Variants in PCDH11Y observed in about 807,000 individuals in gnomAD.
PCDH11Y encodes protocadherin 11 Y-linked.
For synonymous variants in PCDH11Y, 9 were observed against 83.6 expected (o/e 0.11, Z 4.87); for missense variants, 12 against 224.8 (o/e 0.05, Z 6.05).
At chrY:5,446,469 A>G in intron 2 of PCDH11Y, among the ~76,000 whole-genome samples, 1 of 34,100 alleles carries the variant, frequency 2.9e-5, no homozygotes, top group Middle Eastern at 0.014. Context: ...CTACATTTGT[A>G]ACAATATTCA....
At chrY:5,307,812 T>A (rs2053092204) in intron 2 of PCDH11Y, among the ~76,000 whole-genome samples, 1 of 33,606 alleles carries the variant, frequency 3.0e-5, no homozygotes, top group South Asian at 6.6e-4. Flanking sequence ...CACACAATAC[T>A]TTAGCTTACT....
intron 2 of PCDH11Y, among the ~76,000 whole-genome samples, chrY:5,373,235 G>A (rs2053192684): frequency 6.8e-5 from 1 of 14,769 alleles, no homozygotes; most frequent in Non-Finnish European, 1.4e-4. Context: ...TGCTCAGGCT[G>A]GAGTGCAGTG....
intron 2 of PCDH11Y, among the ~76,000 whole-genome samples, chrY:5,190,784 T>C (rs2563094): frequency 3.1e-5 from 1 of 32,120 alleles, no homozygotes; most frequent in Non-Finnish European, 7.5e-5. Flanking sequence ...ATCTGGATGC[T>C]CTGATCTGGT....
intron 2 of PCDH11Y, chrY:5,207,659 A>G: frequency 3.5e-6 from 1 of 286,022 alleles, no homozygotes; most frequent in South Asian, 3.3e-5. Context: ...GCCCGGATGG[A>G]AGGCCCAGCA....
intron 2 of PCDH11Y, among the ~76,000 whole-genome samples, chrY:5,420,800 A>G (rs2053256889): frequency 3.2e-5 from 1 of 31,266 alleles, no homozygotes. Flanking sequence ...TATTTAATTA[A>G]TATCATAAAT....
intron 4 of PCDH11Y, among the ~76,000 whole-genome samples, chrY:5,725,164 G>T: frequency 3.4e-5 from 1 of 29,075 alleles, no homozygotes; most frequent in Non-Finnish European, 8.1e-5. Flanking sequence ...CTGCTTGGGA[G>T]GCTGAGGCAG....
intron 2 of PCDH11Y, among the ~76,000 whole-genome samples, chrY:5,129,260 A>C: frequency 8.9e-5 from 3 of 33,567 alleles, no homozygotes; most frequent in African/African-American, 2.4e-4. Flanking sequence ...TTATAATTCT[A>C]AAACATAAGC....
intron 2 of PCDH11Y, among the ~76,000 whole-genome samples, chrY:5,407,895 C>T (rs2053241899): frequency 6.5e-5 from 1 of 15,440 alleles, no homozygotes; most frequent in Non-Finnish European, 1.2e-4. Context: ...GCCTGGGCGA[C>T]AGAGCGAGAC....
chrY:5,267,458 A>T (rs1180660145), intron 2 of PCDH11Y, among the ~76,000 whole-genome samples: 8 of 31,036 alleles, frequency 2.6e-4, no homozygotes, highest in Non-Finnish European at 4.6e-4. Flanking sequence ...CACCCGCCTC[A>T]GCCTCCCAAA....
At position 5,183,471 on chromosome Y, in the gene PCDH11Y, C is replaced by T. The variant is rs1602882155; in HGVS notation, c.3129+82764C>T. On this transcript the variant is annotated intron_variant, in intron 2 of 4. Transcript: ENST00000400457. Reference sequence around the variant, plus strand: ...TGTTTTTTGCGACATTTTTAAAATACACCTTTGTAAACTGTTACTTGTTCT... The same window carrying T: ...TGTTTTTTGCGACATTTTTAAAATATACCTTTGTAAACTGTTACTTGTTCT... Among the ~76,000 whole-genome samples, 15 of 31,915 alleles carry T rather than the reference C, an allele frequency of 4.7e-4. No homozygotes were observed. In the East Asian group the frequency reaches 6.7e-3, roughly 14 times the overall value. The allele number at this position is 31,915 out of a possible 37,273, so 85.6% of individuals were successfully genotyped here. A position where few individuals can be genotyped will look rare whatever the true frequency, so the allele number is the denominator to read the frequency against.
intron 2 of PCDH11Y, among the ~76,000 whole-genome samples, chrY:5,328,795 G>A: frequency 3.2e-5 from 1 of 31,503 alleles, no homozygotes; most frequent in Non-Finnish European, 7.7e-5. Flanking sequence ...TGGAGGCTGC[G>A]GAAGAATTGG....
chrY:5,489,915 T>A, intron 2 of PCDH11Y, among the ~76,000 whole-genome samples: 2 of 32,204 alleles, frequency 6.2e-5, no homozygotes, highest in Non-Finnish European at 1.5e-4. Flanking sequence ...GAATAAAAAT[T>A]GTGAAATAAT....
intron 1 of PCDH11Y, among the ~76,000 whole-genome samples, chrY:5,012,124 C>G (rs2124618308): frequency 6.5e-5 from 2 of 30,588 alleles, no homozygotes; most frequent in African/African-American, 2.6e-4. Context: ...GCCAAAATTG[C>G]CTTGGATTTC....
downstream of PCDH11Y, among the ~76,000 whole-genome samples, chrY:5,107,873 C>A: frequency 3.1e-5 from 1 of 32,207 alleles, no homozygotes; most frequent in Non-Finnish European, 7.6e-5. Flanking sequence ...TCCTGGCTAA[C>A]ACAGTGAAAC....
intron 2 of PCDH11Y, among the ~76,000 whole-genome samples, chrY:5,270,492 G>A: frequency 4.2e-5 from 1 of 23,617 alleles, no homozygotes. Context: ...GAGCAACAGA[G>A]CGAGACTCCA....
chrY:5,699,961 T>A (rs2124711772), intron 4 of PCDH11Y, among the ~76,000 whole-genome samples: 1 of 32,905 alleles, frequency 3.0e-5, no homozygotes, highest in East Asian at 8.3e-4. Flanking sequence ...GTGTGGCTCC[T>A]GGGTGGGCCA....
chrY:5,400,778 TAAAC>T (rs2053233258), intron 2 of PCDH11Y, among the ~76,000 whole-genome samples: 1 of 24,071 alleles, frequency 4.2e-5, no homozygotes, highest in African/African-American at 1.6e-4. Flanking sequence ...TAAAATAAGA[TAAAC>T]AAAAGGAAAA....
chrY:5,580,783 T>C, intron 3 of PCDH11Y, among the ~76,000 whole-genome samples: 1 of 32,736 alleles, frequency 3.1e-5, no homozygotes, highest in Admixed American at 2.8e-4. Context: ...CACCTCTATT[T>C]TTCTATTCTG....
At chrY:5,038,761 T>C in intron 3 of PCDH11Y, among the ~76,000 whole-genome samples, 1 of 23,148 alleles carries the variant, frequency 4.3e-5, no homozygotes, top group Non-Finnish European at 9.9e-5. Flanking sequence ...TACCAATATC[T>C]TAAAAATATT....
Sources: gnomAD v4.1 joint callset for allele counts (sites outside exome capture counted in the v4.1 genomes callset) on GRCh38, gnomAD v4.1.1 for gene constraint, MANE v1.5 for transcripts, NCBI Gene and HGNC (gene_info 2026-07-23, HGNC 2026-07-21) for gene names.